The following ABHD2 variants were observed in gnomAD, a reference collection of about 807,000 sequenced individuals.
ABHD2 encodes monoacylglycerol lipase ABHD2.
ABHD2 carries 20 observed loss-of-function variants against 48.1 expected under a neutral mutation model. The ratio of observed to expected loss-of-function variants is 0.42; its 90% CI spans 0.29 to 0.60. ABHD2 has a LOEUF of 0.60. ABHD2 is among the 20% of genes least tolerant of loss of function. ABHD2 has a pLI of 0.24. For synonymous variants in ABHD2, 209 were observed against 214.2 expected, an observed-to-expected ratio of 0.98 and a Z score of 0.21; for missense variants, 405 against 550.9, an observed-to-expected ratio of 0.74 and a Z score of 2.65.
rs1255888152 is a variant in ABHD2 at position 89,202,120 on chromosome 15, A to C, written c.*6697A>C. On this transcript the variant is annotated 3_prime_UTR_variant, in exon 11 of 11. Coordinates refer to ENST00000352732, the MANE Select transcript of ABHD2 (RefSeq NM_152924.5). ...GGGGGGAAATACAGGATCCTTCAGCACTGAGGTGTTTAAGATTTGCAACTA... is the reference window on the plus strand; with the variant it reads ...GGGGGGAAATACAGGATCCTTCAGCCCTGAGGTGTTTAAGATTTGCAACTA... 5.0e-6 allele frequency: 1 copy of C among 199,100 alleles called. No individual in the cohort carries two copies. Among genetic ancestry groups the C allele is most frequent in the Non-Finnish European group, 1.0e-5 (1 of 98,632 alleles). The allele number at this position is 199,100 out of a possible 1,614,324, so 12.3% of individuals were successfully genotyped here. A position where few individuals can be genotyped will look rare whatever the true frequency, so the allele number is the denominator to read the frequency against.
the ABHD2 span, among the ~76,000 whole-genome samples, chr15:89,072,815 A>G: frequency 1.3e-5 from 2 of 152,146 alleles, no homozygotes; most frequent in Non-Finnish European, 2.9e-5. Context: ...GAACTTCAGT[A>G]CTTTTGTGAG....
In ABHD2 at chr15:89,164,307, C is replaced by T. The variant is rs1417070638; in HGVS notation, c.538+8773C>T. 2.0e-5 allele frequency among the ~76,000 whole-genome samples: 3 copies of T among 152,196 alleles called. No individual in the cohort carries two copies. The highest frequency in any genetic ancestry group is 4.4e-5 in the Non-Finnish European group (3 of 68,034). On this transcript the variant is annotated intron_variant, in intron 5 of 10. Transcript: ENST00000352732. The surrounding 1 kb of genome is among the most constrained non-coding windows in gnomAD (Gnocchi z 5.0). ...GAATATTTACCAACAGCAACCTTTT[C>T]ACAGACAGGGACCAGATCTGCATTT...
intron 3 of ABHD2, among the ~76,000 whole-genome samples, chr15:89,132,148 G>C (rs2050230064): frequency 6.6e-6 from 1 of 152,208 alleles, no homozygotes; most frequent in African/African-American, 2.4e-5. Context: ...TCCAACAATG[G>C]AGGCAGCAGC....
chr15:89,082,475 G>A (rs545388325), upstream of ABHD2: 1 of 152,392 alleles, frequency 6.6e-6, no homozygotes, highest in Non-Finnish European at 1.5e-5. The surrounding 1 kb of genome is among the most constrained non-coding windows in gnomAD (Gnocchi z 4.4). Context: ...ACTATCTTGT[G>A]TTCATCCACT....
chr15:89,160,690 T>C (rs1217306248), intron 5 of ABHD2, among the ~76,000 whole-genome samples: 1 of 152,226 alleles, frequency 6.6e-6, no homozygotes, highest in East Asian at 1.9e-4. Context: ...TCCATCATTA[T>C]GGTCCTCACT....
Position 89,170,113 on chromosome 15 carries a change from T to TTTTTTTGG in ABHD2, c.539-5699_539-5698insTTTTTTGG, listed in dbSNP as rs869128696. 2.9e-5 allele frequency among the ~76,000 whole-genome samples: 3 copies of TTTTTTTGG among 103,704 alleles called. No individual in the cohort carries two copies. The East Asian group carries it at 7.3e-4, about 25-fold the overall frequency. The allele number at this position is 103,704 out of a possible 152,430, so 68.0% of individuals were successfully genotyped here. On this transcript the variant is annotated intron_variant, in intron 5 of 10. Transcript: ENST00000352732. ...TTTTTTTTTTTTTTTTTTTTTTTTT[T>TTTTTTTGG]GGAGACGGGGTCTCACTCTGTCACT...
Position 89,155,705 on chromosome 15 carries a change from C to T in ABHD2, c.538+171C>T, listed in dbSNP as rs994539663. On this transcript the variant is annotated intron_variant, in intron 5 of 10. Transcript: ENST00000352732. This position sits in a 1 kb window ranked among gnomAD's most constrained non-coding sequence, Gnocchi z 4.9. The stretch of plus-strand genomic sequence containing the variant: ...GTACTGGGCATTGATGATGCCATGC[C>T]TCACACCAGCCTTTGAGATGGGCAC... Among the ~76,000 whole-genome samples, 8 of 152,208 alleles carry T rather than the reference C, an allele frequency of 5.3e-5. No individual in the cohort carries two copies. The highest frequency in any genetic ancestry group is 1.0e-4 in the Non-Finnish European group (7 of 68,044).
rs111526866 is a variant in ABHD2 at position 89,127,019 on chromosome 15, A to G, written c.194+10498A>G. The stretch of plus-strand genomic sequence containing the variant: ...AGTCCTTGAAGACTTGATTTTATGC[A>G]TGATTGGATGAGATGCCATTGCTGT... On this transcript the variant is annotated intron_variant, in intron 3 of 10. Coordinates refer to ENST00000352732, the MANE Select transcript of ABHD2 (RefSeq NM_152924.5). 2.9e-3 allele frequency among the ~76,000 whole-genome samples: 445 copies of G among 152,336 alleles called. 1 individual carries two copies. Among genetic ancestry groups the G allele is most frequent in the Middle Eastern group, 6.8e-3 (2 of 294 alleles).
chr15:89,144,481 A>G (rs915778222), intron 3 of ABHD2, among the ~76,000 whole-genome samples: 7 of 152,228 alleles, frequency 4.6e-5, no homozygotes, highest in Admixed American at 3.3e-4. Context: ...AATGTGGTAT[A>G]TTCATACAAT....
At chr15:89,124,418 C>T (rs933071258) in intron 3 of ABHD2, among the ~76,000 whole-genome samples, 2 of 151,330 alleles carry the variant, frequency 1.3e-5, no homozygotes, top group Non-Finnish European at 2.9e-5. Flanking sequence ...CCACCCTAGG[C>T]CCCTCCTAGG....
intron 1 of ABHD2, among the ~76,000 whole-genome samples, chr15:89,098,986 A>T (rs963631029): frequency 6.6e-6 from 1 of 152,186 alleles, no homozygotes; most frequent in African/African-American, 2.4e-5. Context: ...AACAGCTTAT[A>T]AGATGGATGG....
the ABHD2 span, among the ~76,000 whole-genome samples, chr15:89,053,089 C>T: frequency 4.6e-5 from 7 of 152,004 alleles, no homozygotes; most frequent in South Asian, 1.5e-3. Flanking sequence ...TGCCTCCACC[C>T]CCGAGTAGCT....
chr15:89,060,929 C>T, the ABHD2 span, among the ~76,000 whole-genome samples: 2 of 152,008 alleles, frequency 1.3e-5, no homozygotes, highest in African/African-American at 4.8e-5. Flanking sequence ...AAATCATGTC[C>T]TTTGCAGCAA....
chr15:89,048,052 A>G, the ABHD2 span, among the ~76,000 whole-genome samples: 3 of 151,438 alleles, frequency 2.0e-5, no homozygotes, highest in East Asian at 5.8e-4. Flanking sequence ...GTTCCTTTCC[A>G]TGTTTAGCGC....
chr15:89,075,869 A>T, the ABHD2 span, among the ~76,000 whole-genome samples: 1 of 152,212 alleles, frequency 6.6e-6, no homozygotes, highest in African/African-American at 2.4e-5. The surrounding 1 kb of genome is among the most constrained non-coding windows in gnomAD (Gnocchi z 4.1). Flanking sequence ...GGTGCTTCCC[A>T]AGCAGGGGGC....
At chr15:89,150,778 A>G (rs985717783) in intron 3 of ABHD2, among the ~76,000 whole-genome samples, 3 of 152,226 alleles carry the variant, frequency 2.0e-5, no homozygotes, top group Admixed American at 6.5e-5. Flanking sequence ...ATCATTTTAT[A>G]TTATACGACT....
the ABHD2 span, among the ~76,000 whole-genome samples, chr15:89,076,043 A>T: frequency 6.6e-6 from 1 of 152,170 alleles, no homozygotes; most frequent in Non-Finnish European, 1.5e-5. Flanking sequence ...TCGCAAGCTC[A>T]TGCTCCACCC....
chr15:89,089,147 A>G (rs1417443420), intron 1 of ABHD2, among the ~76,000 whole-genome samples: 1 of 152,236 alleles, frequency 6.6e-6, no homozygotes. Context: ...GCTGTCCAGC[A>G]GCGCAGGAGG....
At chr15:89,042,102 T>C in the ABHD2 span, among the ~76,000 whole-genome samples, 1 of 152,162 alleles carries the variant, frequency 6.6e-6, no homozygotes, top group African/African-American at 2.4e-5. Flanking sequence ...TCTAAACTTA[T>C]CCTCATAGCC....
Sources: allele counts gnomAD v4.1 joint callset (sites outside exome capture counted in the v4.1 genomes callset), GRCh38; gene constraint gnomAD v4.1.1; non-coding constraint Gnocchi (gnomAD v3.1); transcripts MANE v1.5; gene names NCBI Gene and HGNC (gene_info 2026-07-23, HGNC 2026-07-21).